The following POGLUT3 variants were observed in gnomAD, a reference collection of about 807,000 sequenced individuals.
POGLUT3 encodes the protein KDEL (Lys-Asp-Glu-Leu) containing 2.
Under a neutral mutation model 54.3 loss-of-function variants are expected in POGLUT3, and 48 were observed. The observed-to-expected ratio is 0.88, with a 90% CI of 0.70 to 1.12. The LOEUF is 1.12. Among genes scored for constraint, POGLUT3 ranks in the 50% most tolerant of loss-of-function variants. The pLI is 0.00. For synonymous variants in POGLUT3, 218 were observed against 237.4 expected (o/e 0.92, Z 0.75); for missense variants, 629 against 618.7 (o/e 1.02, Z -0.18).
rs1275193131 is a variant in POGLUT3, at chr11:108,491,118, C to T, written c.252G>A (p.Leu84=). The T allele has an allele frequency of 6.3e-7, 1 of 1,592,390 alleles. No homozygotes were observed. The highest frequency in any genetic ancestry group is 8.6e-7 in the Non-Finnish European group (1 of 1,167,152). ...AAGGTTTAGGGACATGTATCCGGAC[C>T]AACTCTTTAGGTGAAAGAGATTTGA... is the stretch of plus-strand genomic sequence containing the variant. The part of the protein sequence containing the change: ...VVVKSLSPKE[L]VRIHVPKPLD... Residue 84 remains leucine, a synonymous_variant, in exon 2 of 8, where the codon TTG becomes TTA. Coordinates refer to ENST00000323468, the MANE Select transcript of POGLUT3 (RefSeq NM_153705.5).
At position 108,490,942 on chromosome 11, in the gene POGLUT3, GACTCTGGAGTATATAATAATC is replaced by G. The variant is rs1753119542; in HGVS notation, c.400+7_400+27del. Reference sequence around the variant, plus strand: ...AGGCATGGGACCTACACACAAGGCTGACTCTGGAGTATATAATAATCACTTACCTTTCAAAATATAGGGAGA... The same window carrying G: ...AGGCATGGGACCTACACACAAGGCTGACTTACCTTTCAAAATATAGGGAGA... On this transcript the variant is annotated splice_region_variant and intron_variant, in intron 2 of 7. Transcript: ENST00000323468. 1 of 1,576,608 alleles carries G rather than the reference GACTCTGGAGTATATAATAATC, an allele frequency of 6.3e-7. No homozygotes were observed. The highest frequency in any genetic ancestry group is 1.3e-5 in the African/African-American group (1 of 74,164).
chr11:108,477,735 A>G (rs2093584878), intron 6 of POGLUT3, 24 bp from the exon 7 acceptor site: 1 of 1,473,202 alleles, frequency 6.8e-7, no homozygotes. Context: ...AAAAATAAAA[A>G]TGAATGAAAA....
chr11:108,477,570 C>G (rs2093584361), intron 7 of POGLUT3, 37 bp downstream of exon 7: 1 of 1,316,366 alleles, frequency 7.6e-7, no homozygotes, highest in Non-Finnish European at 1.1e-6. Flanking sequence ...TCTGAGGACA[C>G]CCGACCCAGC....
At chr11:108,490,918 G>C in intron 2 of POGLUT3, 52 bp downstream of exon 2, 1 of 1,413,578 alleles carries the variant, frequency 7.1e-7, no homozygotes, top group Non-Finnish European at 1.0e-6. Context: ...CATTCTGAAA[G>C]GCATGGGACC....
intron 1 of POGLUT3, 182 bp from the exon 2 acceptor site, chr11:108,491,349 CT>C (rs57238726): frequency 0.22 from 113,478 of 524,288 alleles, 1,141 homozygotes; most frequent in African/African-American, 0.31. Context: ...TTCATGCATT[CT>C]TTTTTTTTTT....
At position 108,474,887 on chromosome 11, in the gene POGLUT3, T is replaced by C. The variant is rs1036562780; in HGVS notation, c.1464A>G (p.Pro488=). 3.7e-6 allele frequency: 6 copies of C among 1,614,054 alleles called. No homozygotes were observed. The highest frequency in any genetic ancestry group is 2.7e-5 in the African/African-American group (2 of 74,942). The change falls in exon 8 of 8, where the codon CCA becomes CCG. Residue 488 remains proline (P), a synonymous_variant. Transcript: ENST00000323468. ...ACTGGCAGATGGCTGTGCTATCTTCTGGCTGAGGAACAAGTTCCATTCCAT... is the reference window on the plus strand; with the variant it reads ...ACTGGCAGATGGCTGTGCTATCTTCCGGCTGAGGAACAAGTTCCATTCCAT... ...VRDGMELVPQ[P]EDSTAICQCH...
Position 108,492,796 on chromosome 11 carries a change from A to C in POGLUT3, c.203-1629T>G, listed in dbSNP as rs141422986. On this transcript the variant is annotated intron_variant, in intron 1 of 7. Coordinates refer to ENST00000323468, the MANE Select transcript of POGLUT3 (RefSeq NM_153705.5). ...TATAATAAACATGGAAGATGCTATA[A>C]AGTGGTAATAATTTAATAGGAAATT... Among the ~76,000 whole-genome samples, 532 of 152,366 alleles carry C rather than the reference A, an allele frequency of 3.5e-3. 5 individuals carry two copies. The highest frequency in any genetic ancestry group is 0.012 in the African/African-American group (496 of 41,588).
chr11:108,476,048 A>T (rs1460023343), intron 7 of POGLUT3, among the ~76,000 whole-genome samples: 1 of 152,032 alleles, frequency 6.6e-6, no homozygotes, highest in Non-Finnish European at 1.5e-5. Flanking sequence ...CTGAGGTGGG[A>T]GGGGGGAAGA....
chr11:108,477,127 C>T (rs2093583367), intron 7 of POGLUT3, among the ~76,000 whole-genome samples: 1 of 152,036 alleles, frequency 6.6e-6, no homozygotes. Context: ...CACGGCTGGG[C>T]GTGGTGGCTC....
intron 2 of POGLUT3, 103 bp from the exon 3 acceptor site, chr11:108,486,543 GA>G: frequency 3.5e-5 from 40 of 1,155,828 alleles, no homozygotes; most frequent in Non-Finnish European, 4.4e-5. Flanking sequence ...AGATTATCCA[GA>G]GATAATCTGC....
chr11:108,475,463 G>GTTTTTTTTTTTTT lies in POGLUT3; in HGVS notation c.1399-512_1399-511insAAAAAAAAAAAAA, dbSNP rs367899085. 8.6e-4 allele frequency among the ~76,000 whole-genome samples: 95 copies of GTTTTTTTTTTTTT among 109,954 alleles called. 5 individuals carry two copies. Among genetic ancestry groups the GTTTTTTTTTTTTT allele is most frequent in the Middle Eastern group, 5.7e-3 (1 of 176 alleles). The allele number at this position is 109,954 out of a possible 152,430, so 72.1% of individuals were successfully genotyped here. A position where few individuals can be genotyped will look rare whatever the true frequency, so the allele number is the denominator to read the frequency against. On this transcript the variant is annotated intron_variant, in intron 7 of 7. Transcript: ENST00000323468. ...TATTTCTATAAATGGAGTTTTTTTT[G>GTTTTTTTTTTTTT]TTTTTGTTTTTTTTTTTTTTTGAGA...
chr11:108,481,143 T>C, intron 5 of POGLUT3, 37 bp downstream of exon 5: 1 of 1,485,038 alleles, frequency 6.7e-7, no homozygotes, highest in Non-Finnish European at 9.1e-7. Context: ...TACAATTTTA[T>C]CGCTTCATAT....
chr11:108,496,787 T>G (rs1362801131), intron 1 of POGLUT3, among the ~76,000 whole-genome samples: 2 of 152,238 alleles, frequency 1.3e-5, no homozygotes, highest in Non-Finnish European at 2.9e-5. Context: ...ATTTCTCCAG[T>G]GGCTCTCTTT....
intron 3 of POGLUT3, among the ~76,000 whole-genome samples, chr11:108,483,149 A>G (rs528329567): frequency 6.6e-6 from 1 of 152,278 alleles, no homozygotes; most frequent in East Asian, 1.9e-4. Context: ...TAATGTCACT[A>G]CCAAGCTTAA....
chr11:108,484,978 T>C (rs2093600156), intron 3 of POGLUT3, among the ~76,000 whole-genome samples: 2 of 152,088 alleles, frequency 1.3e-5, no homozygotes, highest in Admixed American at 1.3e-4. Flanking sequence ...GTGGGGAGCC[T>C]GAAAAACAGA....
intron 3 of POGLUT3, 29 bp from the exon 4 acceptor site, chr11:108,482,251 G>T (rs2093594368): frequency 6.7e-7 from 1 of 1,502,826 alleles, no homozygotes; most frequent in Non-Finnish European, 9.2e-7. Flanking sequence ...AAACATCAGT[G>T]CTGGGAAGAT....
chr11:108,487,892 G>A (rs959740585), intron 2 of POGLUT3, among the ~76,000 whole-genome samples: 5 of 151,994 alleles, frequency 3.3e-5, no homozygotes, highest in Admixed American at 1.3e-4. Context: ...GATTACAGGC[G>A]TGAGCCACCA....
At chr11:108,475,093 C>A in intron 7 of POGLUT3, 141 bp from the exon 8 acceptor site, 14 of 819,302 alleles carry the variant, frequency 1.7e-5, no homozygotes, top group Non-Finnish European at 2.5e-5. Flanking sequence ...CTGGTTTATT[C>A]CAGTCCTAAA....
chr11:108,485,041 G>A (rs1591642287), intron 3 of POGLUT3, among the ~76,000 whole-genome samples: 1 of 152,172 alleles, frequency 6.6e-6, no homozygotes, highest in Admixed American at 6.5e-5. Context: ...GGACAGCCCT[G>A]AGAAATTCCC....
Sources: allele counts gnomAD v4.1 joint callset (sites outside exome capture counted in the v4.1 genomes callset), GRCh38; gene constraint gnomAD v4.1.1; transcripts MANE v1.5; gene names NCBI Gene and HGNC (gene_info 2026-07-23, HGNC 2026-07-21).